The following KDM4C variants were observed in gnomAD, a reference collection of about 807,000 sequenced individuals.
KDM4C encodes the protein lysine-specific demethylase 4C.
Under a neutral mutation model 129.3 loss-of-function variants are expected in KDM4C, and 81 were observed. That is an observed-to-expected ratio of 0.63 (90% confidence interval 0.52 to 0.75). KDM4C has a LOEUF of 0.75. KDM4C is among the 30% of genes least tolerant of loss of function. The pLI is 0.00. For synonymous variants in KDM4C, 573 were observed against 456.1 expected (o/e 1.26, Z -3.26); for missense variants, 1,457 against 1,304.0 (o/e 1.12, Z -1.81).
At chr9:6,867,257 G>A (rs550712984) in intron 5 of KDM4C, among the ~76,000 whole-genome samples, 5 of 152,030 alleles carry the variant, frequency 3.3e-5, no homozygotes, top group Non-Finnish European at 5.9e-5. Flanking sequence ...CTCGTGATCC[G>A]CCCACCTCGG....
Position 6,865,812 on chromosome 9 carries a change from G to A in KDM4C, c.630-14200G>A, listed in dbSNP as rs141031685. 4.4e-3 allele frequency among the ~76,000 whole-genome samples: 666 copies of A among 151,820 alleles called. 16 individuals are homozygous for A. Among genetic ancestry groups the A allele is most frequent in the Non-Finnish European group, 6.4e-3 (432 of 67,950 alleles). Reference sequence around the variant, plus strand: ...GTCGCCCAGGCTGGAGTGCAGTGGCGCAATCTCTGCTCACTGCAAGCTCTG... The same window carrying A: ...GTCGCCCAGGCTGGAGTGCAGTGGCACAATCTCTGCTCACTGCAAGCTCTG... On this transcript the variant is annotated intron_variant, in intron 5 of 21. Transcript: ENST00000381309.
chr9:7,104,658 C>T (rs1188537933), intron 18 of KDM4C, among the ~76,000 whole-genome samples: 1 of 152,188 alleles, frequency 6.6e-6, no homozygotes, highest in African/African-American at 2.4e-5. Context: ...TTCCAGTTCA[C>T]CATGATTGTT....
chr9:6,917,840 G>C (rs1027276417), intron 8 of KDM4C, among the ~76,000 whole-genome samples: 4 of 152,060 alleles, frequency 2.6e-5, no homozygotes, highest in African/African-American at 7.2e-5. Context: ...TTGTTTATGG[G>C]TCTAAGTGAG....
intron 17 of KDM4C, among the ~76,000 whole-genome samples, chr9:7,091,351 A>G (rs1431572354): frequency 6.6e-6 from 1 of 152,168 alleles, no homozygotes; most frequent in African/African-American, 2.4e-5. Flanking sequence ...CAAACTTCAC[A>G]CAAGTCTAGT....
At chr9:6,973,337 A>G (rs534390857) in intron 8 of KDM4C, among the ~76,000 whole-genome samples, 2 of 152,106 alleles carry the variant, frequency 1.3e-5, no homozygotes, top group Non-Finnish European at 2.9e-5. Flanking sequence ...GCCCCACTGC[A>G]CCCAGCCCCT....
intron 1 of KDM4C, among the ~76,000 whole-genome samples, chr9:6,784,199 G>C (rs538391766): frequency 6.6e-6 from 1 of 152,244 alleles, no homozygotes; most frequent in East Asian, 1.9e-4. Context: ...TTTACTGATG[G>C]GGAAGCAGAG....
chr9:7,137,255 C>A (rs1384171254), intron 19 of KDM4C, among the ~76,000 whole-genome samples: 1 of 152,174 alleles, frequency 6.6e-6, no homozygotes, highest in African/African-American at 2.4e-5. Flanking sequence ...GGCAGGCTTA[C>A]CCATGAATGT....
intron 18 of KDM4C, among the ~76,000 whole-genome samples, chr9:7,108,660 G>C (rs985787392): frequency 1.3e-5 from 2 of 152,154 alleles, no homozygotes; most frequent in Non-Finnish European, 2.9e-5. Flanking sequence ...CACAGAATCT[G>C]GTGAAGGGCT....
At chr9:6,757,626 C>G (rs1353239223), upstream of KDM4C, 1 of 985,470 alleles carries the variant, frequency 1.0e-6, no homozygotes, top group South Asian at 4.7e-5. Context: ...CGCTGACGTC[C>G]GCGCGTCGGA....
intron 12 of KDM4C, among the ~76,000 whole-genome samples, chr9:7,009,116 A>G (rs1175030862): frequency 1.3e-5 from 2 of 152,262 alleles, no homozygotes; most frequent in Non-Finnish European, 2.9e-5. Context: ...ATGAGCTGCA[A>G]GTGAATACAG....
chr9:6,908,929 A>T (rs761450336), intron 8 of KDM4C, among the ~76,000 whole-genome samples: 7 of 152,158 alleles, frequency 4.6e-5, no homozygotes, highest in Non-Finnish European at 8.8e-5. Context: ...CATGTAATAA[A>T]CATTTTTCTT....
chr9:6,949,245 A>G (rs1338439452), intron 8 of KDM4C, among the ~76,000 whole-genome samples: 1 of 151,284 alleles, frequency 6.6e-6, no homozygotes, highest in African/African-American at 2.4e-5. Flanking sequence ...CACCTCCCAG[A>G]CGGGGTTGCG....
Position 7,095,871 on chromosome 9 carries a change from TGA to T in KDM4C, c.2425-7810_2425-7809del, listed in dbSNP as rs377170979. 3.3e-4 allele frequency among the ~76,000 whole-genome samples: 50 copies of T among 152,320 alleles called. No individual in the cohort carries two copies. In the East Asian group the frequency reaches 8.9e-3, roughly 27 times the overall value. The stretch of plus-strand genomic sequence containing the variant: ...TTCAACTAATAAATGCTTTATCCAA[TGA>T]GAGTAAGGATTTGTGTAAACAGTAA... On this transcript the variant is annotated intron_variant, in intron 17 of 21. Coordinates refer to ENST00000381309, the MANE Select transcript of KDM4C (RefSeq NM_015061.6).
chr9:7,047,890 G>A (rs1829633748), intron 16 of KDM4C, among the ~76,000 whole-genome samples: 1 of 152,006 alleles, frequency 6.6e-6, no homozygotes, highest in Admixed American at 6.6e-5. Context: ...GGCCCCCTGG[G>A]CACTGGAGTT....
intron 1 of KDM4C, among the ~76,000 whole-genome samples, chr9:6,772,476 C>T (rs1485984686): frequency 6.6e-6 from 1 of 151,282 alleles, no homozygotes. Context: ...ATTCTCCTGC[C>T]TCATCCTCCC....
At chr9:7,105,824 G>A (rs1310430220) in intron 18 of KDM4C, among the ~76,000 whole-genome samples, 1 of 152,162 alleles carries the variant, frequency 6.6e-6, no homozygotes, top group African/African-American at 2.4e-5. Context: ...GTGTGGTTCA[G>A]TCAAGTTTAG....
intron 17 of KDM4C, among the ~76,000 whole-genome samples, chr9:7,079,175 A>G (rs1834251427): frequency 6.6e-6 from 1 of 152,228 alleles, no homozygotes; most frequent in South Asian, 2.1e-4. Flanking sequence ...CTTTCAAGGC[A>G]TAACAGTTTC....
intron 1 of KDM4C, among the ~76,000 whole-genome samples, chr9:6,770,139 A>G (rs796704612): frequency 6.6e-6 from 1 of 151,968 alleles, no homozygotes; most frequent in Non-Finnish European, 1.5e-5. Context: ...AGATTGTGCC[A>G]TTGCACTCTA....
chr9:6,773,310 C>G (rs1172945889), intron 1 of KDM4C, among the ~76,000 whole-genome samples: 5 of 152,092 alleles, frequency 3.3e-5, no homozygotes, highest in African/African-American at 1.2e-4. Flanking sequence ...GCAAATGCTA[C>G]CATAAATTAC....
Sources: gnomAD v4.1 joint callset for allele counts (sites outside exome capture counted in the v4.1 genomes callset) on GRCh38, gnomAD v4.1.1 for gene constraint, MANE v1.5 for transcripts, NCBI Gene and HGNC (gene_info 2026-07-23, HGNC 2026-07-21) for gene names.